Variants in TIAM1 observed in about 807,000 individuals in gnomAD.
TIAM1 encodes the protein TIAM Rac1 associated GEF 1, also known as rho guanine nucleotide exchange factor TIAM1.
A neutral mutation model predicts 163.5 loss-of-function variants in TIAM1; 65 were observed. The ratio of observed to expected loss-of-function variants is 0.40; its 90% confidence interval spans 0.33 to 0.49. The LOEUF is 0.49. Among genes scored for constraint, TIAM1 ranks in the 20% least tolerant of loss-of-function variants. The pLI, the probability that TIAM1 is intolerant of heterozygous loss-of-function variation, is 0.77. For missense variants in TIAM1, 1,789 were observed against 2,044.7 expected (o/e 0.87, Z 2.41); for synonymous variants, 833 against 810.1 (o/e 1.03, Z -0.48).
chr21:31,236,366 G>A (rs1301673905), intron 6 of TIAM1, among the ~76,000 whole-genome samples: 1 of 152,180 alleles, frequency 6.6e-6, no homozygotes, highest in African/African-American at 2.4e-5. Flanking sequence ...TTTCTACAGT[G>A]GCTGGCTAGG....
chr21:31,281,446 C>T (rs2250558), intron 2 of TIAM1, among the ~76,000 whole-genome samples: 4,238 of 152,230 alleles, frequency 0.028, 179 homozygotes, highest in African/African-American at 0.093. Flanking sequence ...GTGTTTACTA[C>T]GATTTAGTGT....
At chr21:31,186,256 C>G (rs567472756) in intron 14 of TIAM1, among the ~76,000 whole-genome samples, 1 of 152,312 alleles carries the variant, frequency 6.6e-6, no homozygotes, top group African/African-American at 2.4e-5. Flanking sequence ...TCCCTAGGTT[C>G]TCAACTTTCG....
At chr21:31,252,711 T>C (rs568789977) in intron 4 of TIAM1, among the ~76,000 whole-genome samples, 13 of 151,680 alleles carry the variant, frequency 8.6e-5, no homozygotes, top group African/African-American at 1.2e-4. Context: ...TATAATGGAG[T>C]GACTGAAAAG....
intron 26 of TIAM1, 70 bp downstream of exon 26, chr21:31,126,995 C>A: frequency 6.7e-7 from 1 of 1,483,256 alleles, no homozygotes; most frequent in Non-Finnish European, 9.4e-7. Flanking sequence ...CAGAACACAA[C>A]GTAAGACACC....
chr21:31,547,272 G>T (rs2833444), intron 1 of TIAM1, among the ~76,000 whole-genome samples: 67,172 of 152,066 alleles, frequency 0.44, 16,019 homozygotes, highest in African/African-American at 0.63. Context: ...GCAACTTTTA[G>T]AAACAAAGTA....
intron 1 of TIAM1, among the ~76,000 whole-genome samples, chr21:31,543,171 G>C (rs1041134022): frequency 5.3e-5 from 8 of 152,068 alleles, no homozygotes; most frequent in African/African-American, 1.9e-4. Context: ...ACCCTGGCTG[G>C]AAACTGCTCA....
At chr21:31,228,052 G>A (rs1464548771) in intron 6 of TIAM1, among the ~76,000 whole-genome samples, 6 of 149,664 alleles carry the variant, frequency 4.0e-5, no homozygotes, top group Admixed American at 6.7e-5. Flanking sequence ...ACAGGCATGT[G>A]CCACCACGCC....
rs142757300 is a variant in TIAM1, at chr21:31,548,802, T to G, written c.-422+10125A>C. 1.2e-3 allele frequency among the ~76,000 whole-genome samples: 177 copies of G among 152,216 alleles called. 1 individual carries two copies. Among genetic ancestry groups the G allele is most frequent in the African/African-American group, 4.0e-3 (167 of 41,540 alleles). On this transcript the variant is annotated intron_variant, in intron 1 of 28. Coordinates refer to the TIAM1 transcript ENST00000286827. ...CCGTGCCAGGCCAAGCTGAACATTA[T>G]TGACTATGGACCTGATCACTGTCCT...
chr21:31,148,993 G>GTTTTTTTTT (rs1568921557), intron 19 of TIAM1, among the ~76,000 whole-genome samples: 3 of 150,886 alleles, frequency 2.0e-5, no homozygotes, highest in African/African-American at 7.4e-5. Context: ...ACAATGAGGA[G>GTTTTTTTTT]TTTAAAAAGA....
intron 2 of TIAM1, among the ~76,000 whole-genome samples, chr21:31,402,838 G>C (rs1202711936): frequency 6.6e-6 from 1 of 152,102 alleles, no homozygotes; most frequent in Non-Finnish European, 1.5e-5. Context: ...TGTAGTCCCA[G>C]CTACTCGGAA....
At chr21:31,475,025 T>TTG (rs1555995982) in intron 1 of TIAM1, among the ~76,000 whole-genome samples, 1 of 118,714 alleles carries the variant, frequency 8.4e-6, no homozygotes, top group Non-Finnish European at 1.8e-5. Flanking sequence ...GAGCTAGTTT[T>TTG]TTATTATTAT....
intron 1 of TIAM1, among the ~76,000 whole-genome samples, chr21:31,550,414 C>T (rs889936454): frequency 6.6e-6 from 1 of 151,930 alleles, no homozygotes; most frequent in Admixed American, 6.6e-5. Flanking sequence ...TTCTATTTCT[C>T]GGTAATGTCC....
chr21:31,423,858 G>C (rs1350370659), intron 2 of TIAM1, among the ~76,000 whole-genome samples: 1 of 114,488 alleles, frequency 8.7e-6, no homozygotes, highest in Non-Finnish European at 1.6e-5. Flanking sequence ...GATTATCGGG[G>C]GGGGCGGGGG....
chr21:31,217,531 T>C (rs760009818), intron 9 of TIAM1, 22 bp downstream of exon 9: 1 of 1,610,368 alleles, frequency 6.2e-7, no homozygotes, highest in Non-Finnish European at 8.5e-7. Context: ...CGGGCTCACT[T>C]TTCATCTGCT....
chr21:31,319,779 CAAAAAAAA>C (rs34265205), intron 2 of TIAM1, among the ~76,000 whole-genome samples: 7,609 of 101,382 alleles, frequency 0.075, 293 homozygotes, highest in Non-Finnish European at 0.11. Flanking sequence ...GACTCTATCT[CAAAAAAAA>C]AAAAAAAAAA....
intron 14 of TIAM1, among the ~76,000 whole-genome samples, chr21:31,184,215 C>T (rs2085170864): frequency 1.3e-5 from 2 of 152,108 alleles, no homozygotes. Context: ...GAGTGATTCT[C>T]CTGCCTCAGC....
intron 1 of TIAM1, among the ~76,000 whole-genome samples, chr21:31,340,023 T>C (rs1392117689): frequency 2.0e-5 from 3 of 152,036 alleles, no homozygotes; most frequent in African/African-American, 4.8e-5. Flanking sequence ...TCTGTCTTCA[T>C]TGAAAATAAC....
At chr21:31,350,495 G>C (rs954732623) in intron 2 of TIAM1, among the ~76,000 whole-genome samples, 20 of 152,120 alleles carry the variant, frequency 1.3e-4, no homozygotes, top group Admixed American at 7.9e-4. Context: ...GAGGTGATTA[G>C]ATCATGGGGG....
intron 23 of TIAM1, among the ~76,000 whole-genome samples, chr21:31,135,148 C>T (rs2146252763): frequency 6.6e-6 from 1 of 152,264 alleles, no homozygotes; most frequent in Non-Finnish European, 1.5e-5. Flanking sequence ...GGACAAAACG[C>T]AACCTAAAAC....
Sources: allele counts gnomAD v4.1 joint callset (sites outside exome capture counted in the v4.1 genomes callset), GRCh38; gene constraint gnomAD v4.1.1; transcripts MANE v1.5; gene names NCBI Gene and HGNC (gene_info 2026-07-23, HGNC 2026-07-21).